MAST2: variants seen among roughly 807,000 people sequenced by gnomAD.
MAST2 encodes microtubule-associated serine/threonine-protein kinase 2.
MAST2 carries 70 observed loss-of-function variants against 147.4 expected under a neutral mutation model. The observed-to-expected ratio is 0.47, with a 90% CI of 0.39 to 0.58. MAST2 has a LOEUF of 0.58. Among genes scored for constraint, MAST2 ranks in the 20% least tolerant of loss-of-function variants. The pLI, the probability that MAST2 is intolerant of heterozygous loss-of-function variation, is 0.00. For synonymous variants in MAST2, 869 were observed against 896.8 expected (o/e 0.97, Z 0.55); for missense variants, 2,080 against 2,302.3 (o/e 0.90, Z 1.98).
intron 4 of MAST2, among the ~76,000 whole-genome samples, chr1:45,906,743 C>T (rs560480225): frequency 5.1e-4 from 77 of 150,896 alleles, no homozygotes; most frequent in African/African-American, 1.8e-3. Context: ...GTAGCCCAAG[C>T]ATACAATGTT....
chr1:45,850,104 C>T (rs569267976), intron 3 of MAST2, among the ~76,000 whole-genome samples: 6 of 152,168 alleles, frequency 3.9e-5, no homozygotes, highest in East Asian at 1.9e-4. Flanking sequence ...GCAGTCTTGC[C>T]GGCATCTGTT....
At position 45,825,246 on chromosome 1, in the gene MAST2, C is replaced by T. The variant is rs184705170; in HGVS notation, c.325+666C>T. ...TTCACTGTGTTAGCCAGGATGGTCT[C>T]GATCTCCTGAGCTTGTGATCCGCCT... On this transcript the variant is annotated intron_variant, in intron 2 of 28. Coordinates refer to ENST00000361297, the MANE Select transcript of MAST2 (RefSeq NM_015112.3). Among the ~76,000 whole-genome samples the T allele has an allele frequency of 1.1e-4, 16 of 152,050 alleles. No individual in the cohort carries two copies. In the East Asian group the frequency reaches 2.1e-3, roughly 20 times the overall value.
chr1:45,947,306 TAAAAAAA>T (rs55827908), intron 4 of MAST2, among the ~76,000 whole-genome samples: 8 of 112,652 alleles, frequency 7.1e-5, no homozygotes, highest in African/African-American at 2.7e-4. Flanking sequence ...TGATGAGCTT[TAAAAAAA>T]AAAAAAAAAA....
intron 4 of MAST2, among the ~76,000 whole-genome samples, chr1:45,941,209 A>C (rs1187141799): frequency 6.6e-6 from 1 of 152,170 alleles, no homozygotes; most frequent in Non-Finnish European, 1.5e-5. Context: ...ATTTGGTGAC[A>C]TGACCAAACT....
Position 45,941,521 on chromosome 1 carries a change from G to A in MAST2, c.501-17865G>A, listed in dbSNP as rs755722190. On this transcript the variant is annotated intron_variant, in intron 4 of 28. Transcript: ENST00000361297. ...GATCCACTCACCTTGGCCTTCCAAAGTGCTGGAATTACAGGCGTGAGCTAC... is the reference window on the plus strand; with the variant it reads ...GATCCACTCACCTTGGCCTTCCAAAATGCTGGAATTACAGGCGTGAGCTAC... Among the ~76,000 whole-genome samples, 39 of 152,308 alleles carry A rather than the reference G, an allele frequency of 2.6e-4. 1 individual carries two copies. The highest frequency in any genetic ancestry group is 3.4e-3 in the Middle Eastern group (1 of 294).
intron 5 of MAST2, among the ~76,000 whole-genome samples, chr1:45,962,860 T>A (rs1214972327): frequency 6.6e-6 from 1 of 152,206 alleles, no homozygotes. Flanking sequence ...CTGAATGGTA[T>A]TGCCTAGGTT....
At chr1:45,917,927 G>A (rs1452845073) in intron 4 of MAST2, among the ~76,000 whole-genome samples, 1 of 152,148 alleles carries the variant, frequency 6.6e-6, no homozygotes, top group Admixed American at 6.5e-5. Context: ...GAGGAAAATA[G>A]CCCTTCTCCC....
intron 4 of MAST2, among the ~76,000 whole-genome samples, chr1:45,950,004 G>A (rs985214569): frequency 3.9e-5 from 6 of 152,142 alleles, no homozygotes; most frequent in Non-Finnish European, 8.8e-5. Context: ...TTATAAGTGG[G>A]AGCTGAATGA....
chr1:45,832,880 G>A (rs1645001570), intron 3 of MAST2, among the ~76,000 whole-genome samples: 1 of 152,132 alleles, frequency 6.6e-6, no homozygotes, highest in Non-Finnish European at 1.5e-5. Context: ...AGCCATCACT[G>A]TAGTCAATTT....
chr1:45,917,804 C>T (rs1297212933), intron 4 of MAST2, among the ~76,000 whole-genome samples: 2 of 152,120 alleles, frequency 1.3e-5, no homozygotes, highest in African/African-American at 4.8e-5. Flanking sequence ...CCTGTGACCA[C>T]CCCATAGCAT....
intron 4 of MAST2, among the ~76,000 whole-genome samples, chr1:45,897,184 A>G (rs949257787): frequency 6.6e-6 from 1 of 152,216 alleles, no homozygotes; most frequent in Admixed American, 6.5e-5. Context: ...GATTGCAGGC[A>G]GCAATACAAG....
intron 4 of MAST2, among the ~76,000 whole-genome samples, chr1:45,935,350 T>G (rs1472803151): frequency 6.6e-6 from 1 of 152,248 alleles, no homozygotes; most frequent in African/African-American, 2.4e-5. Flanking sequence ...AGGTTGTCTG[T>G]TTACTCTGTT....
intron 5 of MAST2, among the ~76,000 whole-genome samples, chr1:45,987,662 T>C (rs975725051): frequency 2.0e-5 from 3 of 151,950 alleles, no homozygotes; most frequent in Non-Finnish European, 4.4e-5. Flanking sequence ...GGTTTTTTTA[T>C]TAATTGATTT....
intron 5 of MAST2, among the ~76,000 whole-genome samples, chr1:45,975,691 A>AC (rs1312358222): frequency 3.3e-5 from 5 of 151,366 alleles, no homozygotes; most frequent in Non-Finnish European, 7.4e-5. Context: ...AAAAAAAAAA[A>AC]ACACAGACCA....
At chr1:45,835,305 T>G (rs1377088922) in intron 3 of MAST2, among the ~76,000 whole-genome samples, 2 of 152,056 alleles carry the variant, frequency 1.3e-5, no homozygotes, top group South Asian at 4.1e-4. Context: ...TGTTACAGAG[T>G]GCACACAGTT....
chr1:45,933,250 G>C (rs182882703), intron 4 of MAST2, among the ~76,000 whole-genome samples: 4 of 145,568 alleles, frequency 2.7e-5, no homozygotes, highest in Non-Finnish European at 6.0e-5. Flanking sequence ...GGGGGGTTGG[G>C]GGGGGCAAAT....
In MAST2 at chr1:45,894,157, A is replaced by C. The variant is rs564445999; in HGVS notation, c.500+11762A>C. Among the ~76,000 whole-genome samples the C allele has an allele frequency of 7.0e-4, 107 of 152,198 alleles. No individual in the cohort carries two copies. In the South Asian group the frequency reaches 0.022, roughly 31 times the overall value. On this transcript the variant is annotated intron_variant, in intron 4 of 28. Transcript: ENST00000361297. ...CTTGAGCCTGGGAGGTGGAGGTTGCAGTGAACTGAGATCATGCCACTGCAC... is the reference window on the plus strand; with the variant it reads ...CTTGAGCCTGGGAGGTGGAGGTTGCCGTGAACTGAGATCATGCCACTGCAC...
chr1:46,015,338 C>T (rs979496241), intron 10 of MAST2, among the ~76,000 whole-genome samples: 13 of 151,986 alleles, frequency 8.6e-5, no homozygotes, highest in Middle Eastern at 3.4e-3. Context: ...GCAGAACTGA[C>T]GGAAATAGAG....
At chr1:46,003,607 C>T (rs531774601) in intron 7 of MAST2, among the ~76,000 whole-genome samples, 4 of 152,158 alleles carry the variant, frequency 2.6e-5, no homozygotes, top group Non-Finnish European at 5.9e-5. Context: ...TAGACTGGGA[C>T]TGCAGGGGCA....
Sources: allele counts gnomAD v4.1 joint callset (sites outside exome capture counted in the v4.1 genomes callset), GRCh38; gene constraint gnomAD v4.1.1; transcripts MANE v1.5; gene names NCBI Gene and HGNC (gene_info 2026-07-23, HGNC 2026-07-21).